PPP1CB: variants seen among roughly 807,000 people sequenced by gnomAD.
PPP1CB encodes protein phosphatase 1 catalytic subunit beta.
A neutral mutation model predicts 43.7 loss-of-function variants in PPP1CB; 2 were observed. The observed-to-expected ratio is 0.05, with a 90% CI of 0.02 to 0.14. The LOEUF (loss-of-function observed/expected upper bound fraction) is 0.14. Among genes scored for constraint, PPP1CB ranks in the 10% least tolerant of loss-of-function variants. The pLI is 1.00. For missense variants in PPP1CB, 84 were observed against 398.0 expected, an observed-to-expected ratio of 0.21 and a Z score of 6.71; for synonymous variants, 136 against 135.6, an observed-to-expected ratio of 1.00 and a Z score of -0.02.
intron 1 of PPP1CB, 63 bp from the exon 2 acceptor site, chr2:28,776,788 C>G: frequency 6.6e-7 from 1 of 1,512,222 alleles, no homozygotes; most frequent in South Asian, 1.2e-5. Context: ...GGGCATGACT[C>G]TTTTTGAAAG....
chr2:28,794,002 G>C lies in PPP1CB; in HGVS notation c.879+5G>C, dbSNP rs1469932969. 1 of 1,602,684 alleles carries C rather than the reference G, an allele frequency of 6.2e-7. No individual in the cohort carries two copies. Among genetic ancestry groups the C allele is most frequent in the Admixed American group, 1.7e-5 (1 of 59,240 alleles). ...ACTTTGATGTGTTCATTTCAGGTAT[G>C]ATGTAAACATAAATATATAAGAACT... On this transcript the variant is annotated splice_donor_5th_base_variant and intron_variant, in intron 7 of 7. Coordinates refer to ENST00000395366, the MANE Select transcript of PPP1CB (RefSeq NM_002709.3).
At position 28,802,205 on chromosome 2, in the gene PPP1CB, A is replaced by G. The variant is rs2148066281; in HGVS notation, c.*2902A>G. 1 of 152,362 alleles carries G rather than the reference A, an allele frequency of 6.6e-6. No individual in the cohort carries two copies. The highest frequency in any genetic ancestry group is 1.5e-5 in the Non-Finnish European group (1 of 68,036). 9.4% of individuals were successfully genotyped at this position (152,362 alleles called of 1,614,324 possible). On this transcript the variant is annotated 3_prime_UTR_variant, in exon 8 of 8. Transcript: ENST00000395366. ...ACATCTTGAGATATGTCTCAAGAAT[A>G]TAAAGATGTATTATTTTAAGCCAAG...
At chr2:28,787,646 G>A (rs1211128231) in intron 5 of PPP1CB, among the ~76,000 whole-genome samples, 2 of 152,060 alleles carry the variant, frequency 1.3e-5, no homozygotes, top group South Asian at 2.1e-4. Flanking sequence ...TTTGGTCTTC[G>A]TCCTACTGCC....
At chr2:28,774,982 C>T (rs947532655) in intron 1 of PPP1CB, among the ~76,000 whole-genome samples, 3 of 151,682 alleles carry the variant, frequency 2.0e-5, no homozygotes, top group Non-Finnish European at 4.4e-5. Flanking sequence ...TTTATTGCCT[C>T]CTTTTTACTT....
chr2:28,801,997 C>T lies in PPP1CB; in HGVS notation c.*2694C>T, dbSNP rs547440542. 2.0e-4 allele frequency: 30 copies of T among 152,266 alleles called. No individual in the cohort carries two copies. Among genetic ancestry groups the T allele is most frequent in the African/African-American group, 7.2e-4 (30 of 41,548 alleles). 9.4% of individuals were successfully genotyped at this position (152,266 alleles called of 1,614,324 possible). A position where few individuals can be genotyped will look rare whatever the true frequency, so the allele number is the denominator to read the frequency against. On this transcript the variant is annotated 3_prime_UTR_variant, in exon 8 of 8. Transcript: ENST00000395366. Reference sequence around the variant, plus strand: ...TAGAGCCTAGCCAGCTACCCAGTATCCATGCTGCCATATCCCTTCATTGTA... The same window carrying T: ...TAGAGCCTAGCCAGCTACCCAGTATTCATGCTGCCATATCCCTTCATTGTA...
chr2:28,786,668 G>A (rs1225879545), intron 5 of PPP1CB, among the ~76,000 whole-genome samples: 3 of 151,058 alleles, frequency 2.0e-5, no homozygotes, highest in Non-Finnish European at 2.9e-5. Context: ...CCAGCTACTC[G>A]GGAGGCTGAG....
chr2:28,794,363 G>A (rs894648025), intron 7 of PPP1CB, among the ~76,000 whole-genome samples: 2 of 152,094 alleles, frequency 1.3e-5, no homozygotes, highest in Non-Finnish European at 2.9e-5. Context: ...CAGACACTGG[G>A]AAAAGAATTA....
At position 28,776,924 on chromosome 2, in the gene PPP1CB, G is replaced by A. The variant is rs1416950365; in HGVS notation, c.126G>A (p.Arg42=). The A allele has an allele frequency of 1.9e-6, 3 of 1,613,702 alleles. No individual in the cohort carries two copies. Among genetic ancestry groups the A allele is most frequent in the Non-Finnish European group, 2.5e-6 (3 of 1,179,692 alleles). Residue 42 remains arginine, a synonymous_variant, in exon 2 of 8, where the codon CGG becomes CGA. Coordinates refer to ENST00000395366, the MANE Select transcript of PPP1CB (RefSeq NM_002709.3). ...AEVRGLCIKS[R]EIFLSQPILL... is the part of the protein sequence containing the mutation. ...TTCGAGGCTTATGTATCAAGTCTCG[G>A]GAGATCTTTCTCAGCCAGCCTATTC...
intron 5 of PPP1CB, among the ~76,000 whole-genome samples, chr2:28,787,565 C>T (rs1401354015): frequency 2.3e-4 from 35 of 152,218 alleles, no homozygotes; most frequent in Non-Finnish European, 5.9e-5. Flanking sequence ...TGGACTTTTA[C>T]CCACTCCGTT....
Position 28,781,826 on chromosome 2 carries a change from C to A in PPP1CB, c.504C>A (p.Ile168=), listed in dbSNP as rs145496568. ...TAGCAGCCATTGTGGATGAGAAGAT[C>A]TTCTGTTGTCATGGAGGTAGACTAG... ...LPIAAIVDEK[I]FCCHGGLSPD... The change falls in exon 4 of 8, where the codon ATC becomes ATA. Residue 168 remains isoleucine, a synonymous_variant. Transcript: ENST00000395366. 2 of 1,611,612 alleles carry A rather than the reference C, an allele frequency of 1.2e-6. No homozygotes were observed. The highest frequency in any genetic ancestry group is 1.7e-5 in the Admixed American group (1 of 59,876).
At chr2:28,785,723 C>T (rs554924083) in intron 5 of PPP1CB, among the ~76,000 whole-genome samples, 7 of 152,128 alleles carry the variant, frequency 4.6e-5, no homozygotes, top group Non-Finnish European at 8.8e-5. Context: ...GCAGGAGGAT[C>T]ACTTCAGCCT....
intron 4 of PPP1CB, among the ~76,000 whole-genome samples, chr2:28,783,486 G>A: frequency 6.6e-6 from 1 of 152,282 alleles, no homozygotes; most frequent in African/African-American, 2.4e-5. Flanking sequence ...GGCAGGGCGC[G>A]GTGGCCCACG....
rs1302646483 is a variant in PPP1CB, at chr2:28,782,056, AGG to A, written c.520+215_520+216del. The A allele has an allele frequency of 3.3e-5, 20 of 598,466 alleles. No homozygotes were observed. The East Asian group carries it at 5.9e-4, about 18-fold the overall frequency. 37.1% of individuals were successfully genotyped at this position (598,466 alleles called of 1,614,324 possible). On this transcript the variant is annotated intron_variant, in intron 4 of 7. Coordinates refer to ENST00000395366, the MANE Select transcript of PPP1CB (RefSeq NM_002709.3). Reference sequence around the variant, plus strand: ...TTCTTTAAATACAGTTTCACATATAAGGAGTGTAACTAGAGTTGTTTGAGAAA... The same window carrying A: ...TTCTTTAAATACAGTTTCACATATAAAGTGTAACTAGAGTTGTTTGAGAAA...
intron 1 of PPP1CB, among the ~76,000 whole-genome samples, chr2:28,757,550 A>G (rs1010685248): frequency 1.3e-5 from 2 of 152,186 alleles, no homozygotes; most frequent in African/African-American, 2.4e-5. Context: ...TGTTGCCGAC[A>G]ACCTCCACTT....
chr2:28,783,784 C>A, intron 4 of PPP1CB, 123 bp from the exon 5 acceptor site: 9 of 618,980 alleles, frequency 1.5e-5, no homozygotes, highest in East Asian at 3.1e-5. Flanking sequence ...TTAAAAGGAA[C>A]ACTTTTCAGT....
intron 7 of PPP1CB, among the ~76,000 whole-genome samples, chr2:28,797,687 C>A (rs1162282522): frequency 6.6e-6 from 1 of 152,056 alleles, no homozygotes; most frequent in African/African-American, 2.4e-5. Flanking sequence ...GTAATGTCAC[C>A]TTTCTCATTT....
chr2:28,782,263 TAAA>T (rs1051392255), intron 4 of PPP1CB, among the ~76,000 whole-genome samples: 2 of 152,126 alleles, frequency 1.3e-5, no homozygotes, highest in African/African-American at 4.8e-5. Flanking sequence ...GTATTAACAA[TAAA>T]ATAATAAAAT....
chr2:28,753,827 G>A (rs1433197460), intron 1 of PPP1CB, among the ~76,000 whole-genome samples: 4 of 151,964 alleles, frequency 2.6e-5, no homozygotes, highest in African/African-American at 9.7e-5. Context: ...TCCGCCTCCC[G>A]GGTTCGAGCG....
At chr2:28,773,107 G>T (rs1159204601) in intron 1 of PPP1CB, among the ~76,000 whole-genome samples, 1 of 152,152 alleles carries the variant, frequency 6.6e-6, no homozygotes, top group Non-Finnish European at 1.5e-5. Context: ...TCTGTACCTT[G>T]ATCTGGATGA....
Sources: gnomAD v4.1 joint callset for allele counts (sites outside exome capture counted in the v4.1 genomes callset) on GRCh38, gnomAD v4.1.1 for gene constraint, MANE v1.5 for transcripts, NCBI Gene and HGNC (gene_info 2026-07-23, HGNC 2026-07-21) for gene names.